Variants in LRRIQ3 observed in about 807,000 individuals in gnomAD.
LRRIQ3 encodes the protein leucine-rich repeat and IQ domain-containing protein 3.
LRRIQ3 carries 75 observed loss-of-function variants against 59.3 expected under a neutral mutation model. That is an observed-to-expected ratio of 1.26 (90% CI 1.05 to 1.53). The LOEUF (loss-of-function observed/expected upper bound fraction) is 1.53. Among genes scored for constraint, LRRIQ3 ranks in the 40% most tolerant of loss-of-function variants. The pLI, the probability that LRRIQ3 is intolerant of heterozygous loss-of-function variation, is 0.00. For synonymous variants in LRRIQ3, 250 were observed against 231.3 expected, an observed-to-expected ratio of 1.08 and a Z score of -0.73; for missense variants, 831 against 710.0, an observed-to-expected ratio of 1.17 and a Z score of -1.94.
Position 74,135,390 on chromosome 1 carries a change from T to C in LRRIQ3, c.707+20343A>G, listed in dbSNP as rs954536073. On this transcript the variant is annotated intron_variant, in intron 4 of 7. Transcript: ENST00000354431. ...AACATATAGCAAATTATAGGAACTC[T>C]ATCAACTAACTTTACTTAACTGATG... Among the ~76,000 whole-genome samples the C allele has an allele frequency of 2.0e-5, 3 of 151,922 alleles. No individual in the cohort carries two copies. The East Asian group carries it at 5.8e-4, about 30-fold the overall frequency.
At chr1:74,082,246 A>C (rs536980648) in intron 5 of LRRIQ3, 2 of 151,724 alleles carry the variant, frequency 1.3e-5, no homozygotes, top group Non-Finnish European at 3.0e-5. Flanking sequence ...ACATAGTAGA[A>C]AGCATAGGCT....
chr1:74,189,433 A>G (rs944905401), intron 1 of LRRIQ3, among the ~76,000 whole-genome samples: 2 of 152,160 alleles, frequency 1.3e-5, no homozygotes, highest in Non-Finnish European at 2.9e-5. Flanking sequence ...TAAATTATGT[A>G]TGCTGTGCCT....
intron 6 of LRRIQ3, among the ~76,000 whole-genome samples, chr1:74,068,738 C>T (rs1391909753): frequency 1.3e-5 from 2 of 151,796 alleles, no homozygotes; most frequent in African/African-American, 4.8e-5. Flanking sequence ...CATGAGTATG[C>T]CTTAATTGCT....
At chr1:74,132,080 A>G (rs374437488) in intron 4 of LRRIQ3, among the ~76,000 whole-genome samples, 101 of 152,148 alleles carry the variant, frequency 6.6e-4, no homozygotes, top group East Asian at 5.6e-3. Context: ...TTATGCACCA[A>G]TAACAGACAG....
intron 2 of LRRIQ3, chr1:74,183,117 G>C (rs1483077239): frequency 9.3e-6 from 3 of 323,730 alleles, no homozygotes; most frequent in African/African-American, 6.5e-5. Flanking sequence ...AAATTTCTTT[G>C]TAATAGGTTG....
At chr1:74,068,264 G>C (rs1255286843) in intron 6 of LRRIQ3, among the ~76,000 whole-genome samples, 1 of 152,000 alleles carries the variant, frequency 6.6e-6, no homozygotes, top group African/African-American at 2.4e-5. Context: ...AATCTCAACA[G>C]TTTAGTACAG....
intron 4 of LRRIQ3, among the ~76,000 whole-genome samples, chr1:74,120,205 C>A (rs1004966609): frequency 3.3e-5 from 5 of 151,526 alleles, no homozygotes; most frequent in African/African-American, 1.2e-4. Context: ...GCAACCTCCG[C>A]CTCCTGGGTT....
chr1:74,129,763 G>A (rs1232363069), intron 4 of LRRIQ3, among the ~76,000 whole-genome samples: 1 of 151,984 alleles, frequency 6.6e-6, no homozygotes, highest in African/African-American at 2.4e-5. Flanking sequence ...TACCACTGCT[G>A]ATTATTCAGT....
chr1:74,126,610 A>T (rs1483372252), intron 4 of LRRIQ3, among the ~76,000 whole-genome samples: 1 of 151,902 alleles, frequency 6.6e-6, no homozygotes, highest in Non-Finnish European at 1.5e-5. Context: ...TCATTGACCC[A>T]CTGGTCATTC....
At chr1:74,123,222 GGCCTATAAT>G (rs1477032052) in intron 4 of LRRIQ3, among the ~76,000 whole-genome samples, 1 of 151,816 alleles carries the variant, frequency 6.6e-6, no homozygotes, top group African/African-American at 2.4e-5. Context: ...TTTTGATACA[GGCCTATAAT>G]GCATAACAAT....
At chr1:74,163,301 A>T (rs953151713) in intron 3 of LRRIQ3, among the ~76,000 whole-genome samples, 5 of 151,584 alleles carry the variant, frequency 3.3e-5, no homozygotes, top group Non-Finnish European at 7.4e-5. Context: ...AATGGTAAAA[A>T]ATCTGTGTGA....
intron 5 of LRRIQ3, among the ~76,000 whole-genome samples, chr1:74,095,283 C>A (rs958940922): frequency 6.6e-6 from 1 of 152,086 alleles, no homozygotes; most frequent in African/African-American, 2.4e-5. Flanking sequence ...ACCAGCAATG[C>A]ACTGTCTATC....
rs1649923419 is a variant in LRRIQ3, at chr1:74,180,687, T to A, written c.573+1851A>T. 8 of 1,545,570 alleles carry A rather than the reference T, an allele frequency of 5.2e-6. 1 individual carries two copies. In the Admixed American group the frequency reaches 1.6e-4, roughly 31 times the overall value. ...CTGTCATTTGTGATGCAATGTTGAC[T>A]GCAGACTTGTTGAAATCCCACCTCA... On this transcript the variant is annotated intron_variant, in intron 3 of 7. Coordinates refer to ENST00000354431, the MANE Select transcript of LRRIQ3 (RefSeq NM_001105659.2).
At chr1:74,167,697 G>T (rs927616781) in intron 3 of LRRIQ3, among the ~76,000 whole-genome samples, 1 of 151,016 alleles carries the variant, frequency 6.6e-6, no homozygotes, top group Admixed American at 6.7e-5. Context: ...CAAAATCTCA[G>T]AAATCACCAC....
At chr1:74,115,556 T>C (rs575977249) in intron 4 of LRRIQ3, among the ~76,000 whole-genome samples, 21 of 152,198 alleles carry the variant, frequency 1.4e-4, no homozygotes, top group African/African-American at 5.1e-4. Context: ...TTGTAAAACT[T>C]TGCTTTGCCT....
chr1:74,169,957 T>G (rs933045046), intron 3 of LRRIQ3, among the ~76,000 whole-genome samples: 3 of 152,198 alleles, frequency 2.0e-5, no homozygotes, highest in African/African-American at 7.2e-5. Context: ...GTATTCATTT[T>G]TATGTATTCT....
chr1:74,121,719 G>A (rs953722920), intron 4 of LRRIQ3, among the ~76,000 whole-genome samples: 4 of 146,922 alleles, frequency 2.7e-5, no homozygotes, highest in Non-Finnish European at 6.0e-5. Flanking sequence ...ATCTCCAAAT[G>A]CTATCCCTCC....
intron 5 of LRRIQ3, among the ~76,000 whole-genome samples, chr1:74,081,140 G>A (rs569937930): frequency 3.9e-4 from 59 of 151,656 alleles, no homozygotes; most frequent in African/African-American, 1.4e-3. Context: ...GAGTGAACTA[G>A]AAGTGATAAT....
At chr1:74,170,946 T>A (rs955223162) in intron 3 of LRRIQ3, among the ~76,000 whole-genome samples, 2 of 152,170 alleles carry the variant, frequency 1.3e-5, no homozygotes, top group Non-Finnish European at 2.9e-5. Flanking sequence ...TAAATGAGAT[T>A]GCTTTCTTAA....
Sources: allele counts gnomAD v4.1 joint callset (sites outside exome capture counted in the v4.1 genomes callset), GRCh38; gene constraint gnomAD v4.1.1; transcripts MANE v1.5; gene names NCBI Gene and HGNC (gene_info 2026-07-23, HGNC 2026-07-21).